Variants in CKMT2 observed in about 807,000 individuals in gnomAD.
CKMT2 encodes creatine kinase S-type, mitochondrial.
In CKMT2, 43 loss-of-function variants were observed where a neutral mutation model predicts 48.9. That is an observed-to-expected ratio of 0.88 (90% CI 0.69 to 1.13). The LOEUF is 1.13. Among genes scored for constraint, CKMT2 ranks in the 50% most tolerant of loss-of-function variants. CKMT2 has a pLI of 0.00. For missense variants in CKMT2, 472 were observed against 555.4 expected (o/e 0.85, Z 1.51); for synonymous variants, 206 against 213.0 (o/e 0.97, Z 0.29).
rs1056705216 is a variant in CKMT2, at chr5:81,263,392, CTG to C, written c.1015-97_1015-96del. 5.5e-5 allele frequency: 29 copies of C among 527,822 alleles called. No individual in the cohort carries two copies. The Admixed American group carries it at 9.4e-4, about 17-fold the overall frequency. The allele number at this position is 527,822 out of a possible 1,614,324, so 32.7% of individuals were successfully genotyped here. On this transcript the variant is annotated intron_variant, in intron 8 of 9. Coordinates refer to ENST00000254035, the MANE Select transcript of CKMT2 (RefSeq NM_001099735.2). Reference sequence around the variant, plus strand: ...TTTATTATATATATAAAAAGTTAAACTGTTATCTCTCACTATATGTCTTTTGT... The same window carrying C: ...TTTATTATATATATAAAAAGTTAAACTTATCTCTCACTATATGTCTTTTGT...
At position 81,266,182 on chromosome 5, in the gene CKMT2, T is replaced by A. The variant is rs1757379287; in HGVS notation, c.1184T>A (p.Val395Glu). The change falls in exon 10 of 10, where the codon GTG (valine) becomes GAG (glutamate). Residue 395 changes from valine (V) to glutamate (E), a missense_variant. Coordinates refer to ENST00000254035, the MANE Select transcript of CKMT2 (RefSeq NM_001099735.2). The stretch of plus-strand genomic sequence containing the variant: ...GTCATCGATGGAGTCAATTACCTGG[T>A]GGATTGTGAAAAGAAGTTGGAGAGA... ...QIVIDGVNYLVDCEKKLERGQ... is the reference protein window; with the variant it reads ...QIVIDGVNYLEDCEKKLERGQ... 1 of 1,612,948 alleles carries A rather than the reference T, an allele frequency of 6.2e-7. No individual in the cohort carries two copies. The highest frequency in any genetic ancestry group is 8.5e-7 in the Non-Finnish European group (1 of 1,178,982).
chr5:81,249,942 T>C (rs767068647), intron 1 of CKMT2, among the ~76,000 whole-genome samples: 1 of 152,212 alleles, frequency 6.6e-6, no homozygotes, highest in Non-Finnish European at 1.5e-5. Context: ...GTTTTATTAT[T>C]TGTCTAGGTG....
chr5:81,253,495 A>G (rs904850587), intron 3 of CKMT2, among the ~76,000 whole-genome samples: 11 of 152,310 alleles, frequency 7.2e-5, no homozygotes, highest in Non-Finnish European at 1.2e-4. Context: ...CGTCCCCTCC[A>G]CAGAGCAGCC....
At chr5:81,256,505 G>C (rs1420731677) in intron 5 of CKMT2, among the ~76,000 whole-genome samples, 2 of 152,174 alleles carry the variant, frequency 1.3e-5, no homozygotes, top group Non-Finnish European at 2.9e-5. Context: ...AATAATGCTA[G>C]AAACAGAGAA....
At chr5:81,262,731 G>C (rs1426411190) in intron 8 of CKMT2, among the ~76,000 whole-genome samples, 1 of 152,164 alleles carries the variant, frequency 6.6e-6, no homozygotes, top group African/African-American at 2.4e-5. Flanking sequence ...CTGTTGGTGG[G>C]AGTGTAAATT....
At position 81,255,035 on chromosome 5, in the gene CKMT2, C is replaced by T. The variant is rs765311428; in HGVS notation, c.490C>T (p.Arg164Trp). The change falls in exon 5 of 10, where the codon CGG becomes TGG. Residue 164 changes from arginine (R) to tryptophan (W), a missense_variant. Arg to Trp is a moderately radical substitution (Grantham distance 101). Coordinates refer to ENST00000254035, the MANE Select transcript of CKMT2 (RefSeq NM_001099735.2). ...CGACGAGCATTACGTGCTGTCTTCT[C>T]GGGTGCGCACTGGCCGCAGCATCCG... ...QFDEHYVLSS[R>W]VRTGRSIRGL... is the part of the protein sequence containing the mutation. 7 of 1,613,944 alleles carry T rather than the reference C, an allele frequency of 4.3e-6. No homozygotes were observed. Among genetic ancestry groups the T allele is most frequent in the South Asian group, 1.1e-5 (1 of 91,084 alleles).
At chr5:81,237,927 T>C (rs568065181) in intron 1 of CKMT2, 7 of 152,324 alleles carry the variant, frequency 4.6e-5, no homozygotes, top group African/African-American at 1.7e-4. Context: ...GCACCAGCAT[T>C]TGTTGAGTGG....
intron 7 of CKMT2, 116 bp from the exon 8 acceptor site, chr5:81,258,999 TTTACC>T (rs1757113357): frequency 2.1e-6 from 2 of 932,612 alleles, no homozygotes; most frequent in Admixed American, 4.9e-5. Flanking sequence ...GTACTATAAA[TTTACC>T]TTAATTTCAT....
intron 1 of CKMT2, among the ~76,000 whole-genome samples, chr5:81,246,705 T>C (rs1203865792): frequency 3.3e-5 from 5 of 152,188 alleles, no homozygotes; most frequent in Admixed American, 3.3e-4. Context: ...GCTGTAAGAC[T>C]TTCTGGGATC....
At chr5:81,264,584 C>A (rs539451964) in intron 9 of CKMT2, among the ~76,000 whole-genome samples, 1 of 152,274 alleles carries the variant, frequency 6.6e-6, no homozygotes, top group South Asian at 2.1e-4. Flanking sequence ...TATAATACCA[C>A]AACTTCTGAA....
At chr5:81,237,689 C>T (rs1756289235) in intron 1 of CKMT2, 1 of 152,100 alleles carries the variant, frequency 6.6e-6, no homozygotes, top group Non-Finnish European at 1.5e-5. Flanking sequence ...TCTGAAGCAA[C>T]CCTTTTAGCA....
chr5:81,243,624 T>TCG (rs1283284930), intron 1 of CKMT2, among the ~76,000 whole-genome samples: 2 of 152,150 alleles, frequency 1.3e-5, no homozygotes, highest in Admixed American at 6.5e-5. Context: ...GTCCTGATGT[T>TCG]CTGGGCCCCC....
At position 81,257,760 on chromosome 5, in the gene CKMT2, C is replaced by A. The variant is rs1561285656; in HGVS notation, c.783C>A (p.Ile261=). Residue 261 remains isoleucine, a synonymous_variant, in exon 7 of 10, where the codon ATC becomes ATA. Coordinates refer to ENST00000254035, the MANE Select transcript of CKMT2 (RefSeq NM_001099735.2). ...IWHNYDKTFL[I]WINEEDHTRV... ...ATAATTATGATAAGACATTTCTCATCTGGATAAATGAGGAGGATCACACCA... is the reference window on the plus strand; with the variant it reads ...ATAATTATGATAAGACATTTCTCATATGGATAAATGAGGAGGATCACACCA... 2 of 1,610,290 alleles carry A rather than the reference C, an allele frequency of 1.2e-6. No homozygotes were observed. Among genetic ancestry groups the A allele is most frequent in the Non-Finnish European group, 8.5e-7 (1 of 1,176,752 alleles).
intron 1 of CKMT2, among the ~76,000 whole-genome samples, chr5:81,246,309 C>A (rs188379152): frequency 6.6e-6 from 1 of 152,040 alleles, no homozygotes; most frequent in East Asian, 2.0e-4. Context: ...TTTCCGAAGT[C>A]CACTGTGATT....
At chr5:81,254,565 G>A (rs752790211) in intron 4 of CKMT2, 74 bp downstream of exon 4, 12 of 1,312,036 alleles carry the variant, frequency 9.1e-6, no homozygotes, top group Non-Finnish European at 1.2e-5. Context: ...CCTGGAGAGA[G>A]GGGTTCCCCG....
At chr5:81,260,443 G>GT (rs1177713846) in intron 8 of CKMT2, among the ~76,000 whole-genome samples, 1 of 152,118 alleles carries the variant, frequency 6.6e-6, no homozygotes, top group Non-Finnish European at 1.5e-5. Context: ...CCAGGAGCGG[G>GT]TTTTTTGAAA....
At chr5:81,252,282 C>T in intron 2 of CKMT2, 1 of 210,576 alleles carries the variant, frequency 4.7e-6, no homozygotes, top group East Asian at 1.3e-4. Flanking sequence ...TTATGAAAAT[C>T]AGGATCTCTG....
In CKMT2 at chr5:81,259,157, T is replaced by C. The variant is rs1172397285; in HGVS notation, c.917T>C (p.Met306Thr). The stretch of plus-strand genomic sequence containing the variant: ...ATCCAAGAACGAGGCTGGGAGTTCA[T>C]GTGGAATGAGCGCCTAGGATACATT... ...RLIQERGWEF[M>T]WNERLGYILT... Residue 306 changes from methionine to threonine, a missense_variant, in exon 8 of 10, where the codon ATG becomes ACG. Transcript: ENST00000254035. 6.2e-7 allele frequency: 1 copy of C among 1,614,012 alleles called. No homozygotes were observed. The highest frequency in any genetic ancestry group is 1.7e-5 in the Admixed American group (1 of 60,020).
At chr5:81,263,719 C>T (rs1757307380) in intron 9 of CKMT2, 103 bp downstream of exon 9, 10 of 1,081,488 alleles carry the variant, frequency 9.2e-6, no homozygotes, top group Non-Finnish European at 1.3e-5. Flanking sequence ...TCGAGACCTC[C>T]TCTTCGCCCA....
Sources: gnomAD v4.1 joint callset for allele counts (sites outside exome capture counted in the v4.1 genomes callset) on GRCh38, gnomAD v4.1.1 for gene constraint, MANE v1.5 for transcripts, NCBI Gene and HGNC (gene_info 2026-07-23, HGNC 2026-07-21) for gene names.